PCDHA1: variants seen among roughly 807,000 people sequenced by gnomAD.
PCDHA1 encodes the protein protocadherin alpha-1.
A neutral mutation model predicts 61.3 loss-of-function variants in PCDHA1; 42 were observed. The observed-to-expected ratio is 0.69, with a 90% CI of 0.54 to 0.89. The LOEUF is 0.89. Among genes scored for constraint, PCDHA1 ranks in the 40% least tolerant of loss-of-function variants. The pLI, the probability that PCDHA1 is intolerant of heterozygous loss-of-function variation, is 0.00. For missense variants in PCDHA1, 1,256 were observed against 1,235.3 expected, an observed-to-expected ratio of 1.02 and a Z score of -0.25; for synonymous variants, 610 against 553.8, an observed-to-expected ratio of 1.10 and a Z score of -1.43.
intron 1 of PCDHA1, among the ~76,000 whole-genome samples, chr5:140,956,551 C>G (rs995941205): frequency 1.3e-5 from 2 of 152,148 alleles, no homozygotes; most frequent in Non-Finnish European, 2.9e-5. Flanking sequence ...ATTTGGTTTG[C>G]CAGTATCTTA....
intron 1 of PCDHA1, chr5:140,858,025 G>C (rs992119806): frequency 1.9e-6 from 3 of 1,596,952 alleles, no homozygotes; most frequent in Non-Finnish European, 2.6e-6. Context: ...CGTCGCTGAC[G>C]GCCACGGCCA....
At chr5:140,830,205 G>C (rs1770893475) in intron 1 of PCDHA1, 1 of 1,613,662 alleles carries the variant, frequency 6.2e-7, no homozygotes, top group Non-Finnish European at 8.5e-7. Flanking sequence ...ATCGCCATCT[G>C]CGCGGTATCC....
At chr5:140,797,494 T>A (rs371756510) in intron 1 of PCDHA1, 6 of 961,670 alleles carry the variant, frequency 6.2e-6, no homozygotes, top group South Asian at 3.3e-5. Context: ...GAATTAGAGA[T>A]CAATTTATTG....
At chr5:140,926,728 T>G in intron 1 of PCDHA1, 4 of 1,061,710 alleles carry the variant, frequency 3.8e-6, no homozygotes, top group Non-Finnish European at 5.0e-6. Flanking sequence ...AATGCCGGCG[T>G]TCGGGAGGCG....
chr5:140,842,182 T>A (rs200850648), intron 1 of PCDHA1: 1 of 1,613,440 alleles, frequency 6.2e-7, no homozygotes, highest in Non-Finnish European at 8.5e-7. Flanking sequence ...TTGTTGAAAC[T>A]ATGGTTATTG....
intron 1 of PCDHA1, chr5:140,875,236 C>T: frequency 1.1e-6 from 1 of 889,228 alleles, no homozygotes. Context: ...CTTTCTTGTA[C>T]TTACATAATC....
chr5:140,886,944 C>A (rs577897989), intron 1 of PCDHA1, among the ~76,000 whole-genome samples: 2 of 152,010 alleles, frequency 1.3e-5, no homozygotes, highest in African/African-American at 4.8e-5. Context: ...ATGTTCTACA[C>A]ATTAGACATT....
chr5:140,828,082 G>T (rs369653273), intron 1 of PCDHA1: 1 of 1,582,914 alleles, frequency 6.3e-7, no homozygotes, highest in Non-Finnish European at 8.6e-7. Flanking sequence ...TAAAACCAGA[G>T]GTATTTGACA....
intron 3 of PCDHA1, among the ~76,000 whole-genome samples, chr5:141,008,842 T>C (rs1554261951): frequency 6.6e-6 from 1 of 152,214 alleles, no homozygotes; most frequent in East Asian, 1.9e-4. Context: ...TCTTACGCTG[T>C]GTATTCCCAT....
intron 3 of PCDHA1, among the ~76,000 whole-genome samples, chr5:140,998,871 A>C (rs1554256499): frequency 6.6e-6 from 1 of 152,200 alleles, no homozygotes; most frequent in African/African-American, 2.4e-5. Flanking sequence ...CTTGTAAATA[A>C]TAAGTTTAGT....
chr5:140,991,149 C>T (rs2097435018), intron 3 of PCDHA1, among the ~76,000 whole-genome samples: 1 of 152,092 alleles, frequency 6.6e-6, no homozygotes, highest in South Asian at 2.1e-4. Flanking sequence ...GTTTTTTGCT[C>T]ACCATTGTAT....
intron 1 of PCDHA1, chr5:140,967,843 T>G (rs782701780): frequency 6.2e-7 from 1 of 1,614,102 alleles, no homozygotes; most frequent in East Asian, 2.2e-5. Flanking sequence ...TGGACGTGAA[T>G]GACAATGCCC....
intron 1 of PCDHA1, chr5:140,807,234 TCTTA>T (rs782378841): frequency 1.1e-5 from 18 of 1,614,094 alleles, no homozygotes; most frequent in African/African-American, 2.7e-5. Context: ...CGTCTGCTGC[TCTTA>T]CTTCTTCTCC....
intron 1 of PCDHA1, among the ~76,000 whole-genome samples, chr5:140,905,599 G>A (rs782355615): frequency 2.0e-5 from 3 of 152,096 alleles, no homozygotes; most frequent in Non-Finnish European, 2.9e-5. Context: ...GCTGGGAATT[G>A]CATTGAATCT....
rs2150122693 is a variant in PCDHA1, at chr5:140,823,137, C to T, written c.2394+34453C>T. Reference sequence around the variant, plus strand: ...ACGTGAACGACAACGCTCCGGCGTTCGCGCAGCCCCAGTATACCGTGTTCG... The same window carrying T: ...ACGTGAACGACAACGCTCCGGCGTTTGCGCAGCCCCAGTATACCGTGTTCG... On this transcript the variant is annotated intron_variant, in intron 1 of 3. Coordinates refer to ENST00000504120, the MANE Select transcript of PCDHA1 (RefSeq NM_018900.4). 50 of 1,613,704 alleles carry T rather than the reference C, an allele frequency of 3.1e-5. 1 individual carries two copies. The South Asian group carries it at 4.9e-4, about 16-fold the overall frequency.
chr5:140,842,394 C>T (rs2150335201), intron 1 of PCDHA1: 6 of 1,611,212 alleles, frequency 3.7e-6, no homozygotes, highest in Admixed American at 3.3e-5. Flanking sequence ...TTATCCTTGC[C>T]TGTACGTGAA....
Position 140,883,205 on chromosome 5 carries a change from A to G in PCDHA1, c.2394+94521A>G, listed in dbSNP as rs1402031440. 5 of 1,613,918 alleles carry G rather than the reference A, an allele frequency of 3.1e-6. No individual in the cohort carries two copies. In the African/African-American group the frequency reaches 6.7e-5, roughly 22 times the overall value. On this transcript the variant is annotated intron_variant, in intron 1 of 3. Transcript: ENST00000504120. Reference sequence around the variant, plus strand: ...AAAAGGCAAACTAGATTTCGAAGAAAAGAAATTATATGAAATATCCGTGGA... The same window carrying G: ...AAAAGGCAAACTAGATTTCGAAGAAGAGAAATTATATGAAATATCCGTGGA...
rs1554206636 is a variant in PCDHA1, at chr5:140,929,056, A to G, written c.2395-49893A>G. The G allele has an allele frequency of 1.2e-6, 2 of 1,614,064 alleles. No individual in the cohort carries two copies. Among genetic ancestry groups the G allele is most frequent in the Non-Finnish European group, 1.7e-6 (2 of 1,180,034 alleles). On this transcript the variant is annotated intron_variant, in intron 1 of 3. Transcript: ENST00000504120. ...TTGCGCTCAGAGCTGCTGTCGCTCTACAGAGGATCTGAGGTATGGAAGTAA... is the reference window on the plus strand; with the variant it reads ...TTGCGCTCAGAGCTGCTGTCGCTCTGCAGAGGATCTGAGGTATGGAAGTAA...
At chr5:140,984,247 C>G (rs1394918677) in intron 3 of PCDHA1, among the ~76,000 whole-genome samples, 2 of 152,138 alleles carry the variant, frequency 1.3e-5, no homozygotes, top group Non-Finnish European at 2.9e-5. Flanking sequence ...GTAGGTCGAC[C>G]TGGTAAGCCA....
Sources: allele counts gnomAD v4.1 joint callset (sites outside exome capture counted in the v4.1 genomes callset), GRCh38; gene constraint gnomAD v4.1.1; transcripts MANE v1.5; gene names NCBI Gene and HGNC (gene_info 2026-07-23, HGNC 2026-07-21).